LIPC: variants seen among roughly 807,000 people sequenced by gnomAD.
LIPC encodes lipase C, hepatic type.
A neutral mutation model predicts 50.7 loss-of-function variants in LIPC; 44 were observed. That is an observed-to-expected ratio of 0.87 (90% CI 0.68 to 1.11). LIPC has a LOEUF of 1.11. Ranked by LOEUF, LIPC falls within the 50% of genes most tolerant of loss-of-function variation. The pLI, the probability that LIPC is intolerant of heterozygous loss-of-function variation, is 0.00. For missense variants in LIPC, 697 were observed against 648.2 expected (o/e 1.08, Z -0.82); for synonymous variants, 271 against 256.4 (o/e 1.06, Z -0.54).
At chr15:58,553,514 G>T (rs530375273) in intron 6 of LIPC, among the ~76,000 whole-genome samples, 2 of 152,300 alleles carry the variant, frequency 1.3e-5, no homozygotes, top group Admixed American at 6.5e-5. Context: ...GGTTGCTTGA[G>T]CCTAGAAGGT....
At chr15:58,441,439 C>T (rs1346881443) in intron 1 of LIPC, among the ~76,000 whole-genome samples, 9 of 152,222 alleles carry the variant, frequency 5.9e-5, no homozygotes, top group African/African-American at 2.2e-4. Flanking sequence ...AATTCATTCC[C>T]ACCTGCATTA....
intron 8 of LIPC, chr15:58,564,152 ATCTC>A (rs60807082): frequency 3.1e-5 from 5 of 161,182 alleles, no homozygotes; most frequent in South Asian, 1.6e-4. Context: ...ATCTCGATGT[ATCTC>A]TCTCTCTCTC....
chr15:58,513,488 T>C (rs1892395201), intron 1 of LIPC, among the ~76,000 whole-genome samples: 2 of 152,166 alleles, frequency 1.3e-5, no homozygotes, highest in East Asian at 1.9e-4. Flanking sequence ...GCAGAGCTCA[T>C]GCAGAGCCGG....
intron 6 of LIPC, among the ~76,000 whole-genome samples, chr15:58,557,285 G>A (rs777129481): frequency 9.2e-5 from 14 of 151,696 alleles, no homozygotes; most frequent in Admixed American, 2.6e-4. Flanking sequence ...TCATTTGTTT[G>A]AGGGTCAAGT....
intron 4 of LIPC, among the ~76,000 whole-genome samples, chr15:58,545,084 C>A (rs1288990929): frequency 6.6e-6 from 1 of 152,114 alleles, no homozygotes; most frequent in African/African-American, 2.4e-5. Flanking sequence ...AACATACAGG[C>A]AAATAAATTT....
rs6494019 is a variant in LIPC, at chr15:58,563,887, C to T, written c.1388+164C>T. The T allele has an allele frequency of 0.99, 690,107 of 695,666 alleles. 342,503 individuals carry two copies. The highest frequency in any genetic ancestry group is 1 in the East Asian group (36,560 of 36,560). 43.1% of individuals were successfully genotyped at this position (695,666 alleles called of 1,614,324 possible). On this transcript the variant is annotated intron_variant, in intron 8 of 8. Transcript: ENST00000299022. ...GTGAAGTGACTATCCCAACTTTACA[C>T]AGCCACAGGTGCCAGGACAAGGATT...
intron 1 of LIPC, chr15:58,494,857 C>G (rs746526689): frequency 1.4e-4 from 66 of 456,116 alleles, no homozygotes; most frequent in Admixed American, 6.8e-4. Flanking sequence ...CTCCCTTCAT[C>G]TGATTTCCTT....
At position 58,569,729 on chromosome 15, in the gene LIPC, T is replaced by A. The variant is rs1467166344; in HGVS notation, c.*902T>A. 6.5e-6 allele frequency: 1 copy of A among 153,116 alleles called. No individual in the cohort carries two copies. Among genetic ancestry groups the A allele is most frequent in the Non-Finnish European group, 1.5e-5 (1 of 68,780 alleles). The allele number at this position is 153,116 out of a possible 1,614,324, so 9.5% of individuals were successfully genotyped here. A position where few individuals can be genotyped will look rare whatever the true frequency, so the allele number is the denominator to read the frequency against. ...GTGCGGATATGAGAAGGCAACTATA[T>A]GCAAACCAGGAAGTTGACCCTCACC... On this transcript the variant is annotated 3_prime_UTR_variant, in exon 9 of 9. Coordinates refer to ENST00000299022, the MANE Select transcript of LIPC (RefSeq NM_000236.3).
At chr15:58,539,860 A>G (rs1410146898) in intron 2 of LIPC, among the ~76,000 whole-genome samples, 1 of 151,878 alleles carries the variant, frequency 6.6e-6, no homozygotes, top group African/African-American at 2.4e-5. Flanking sequence ...ATTAACTCCC[A>G]CTTTTCCTGT....
At chr15:58,436,951 T>C (rs926535207) in intron 1 of LIPC, 5 of 442,042 alleles carry the variant, frequency 1.1e-5, no homozygotes, top group African/African-American at 1.0e-4. Context: ...AGAACGGTGT[T>C]GATAGCAACA....
chr15:58,457,179 G>A (rs1303722002), intron 1 of LIPC, among the ~76,000 whole-genome samples: 3 of 152,118 alleles, frequency 2.0e-5, no homozygotes, highest in African/African-American at 7.2e-5. Flanking sequence ...GTGCGATCTT[G>A]GCTCACCACA....
chr15:58,453,866 CA>C (rs398043355), intron 1 of LIPC, among the ~76,000 whole-genome samples: 131 of 120,650 alleles, frequency 1.1e-3, no homozygotes, highest in Admixed American at 1.0e-3. Flanking sequence ...GACCCTGTCT[CA>C]AAAAAAAAAA....
chr15:58,442,755 A>G (rs1342874183), intron 1 of LIPC, among the ~76,000 whole-genome samples: 1 of 152,204 alleles, frequency 6.6e-6, no homozygotes, highest in Non-Finnish European at 1.5e-5. Context: ...CCTCTCTGGT[A>G]TAGCTGAAAC....
intron 1 of LIPC, among the ~76,000 whole-genome samples, chr15:58,478,308 G>A (rs1039309915): frequency 3.3e-5 from 5 of 152,072 alleles, no homozygotes; most frequent in African/African-American, 9.7e-5. Flanking sequence ...GCATAATCTC[G>A]GCTCACTGTA....
intron 1 of LIPC, among the ~76,000 whole-genome samples, chr15:58,471,400 G>A (rs1269155134): frequency 1.3e-5 from 2 of 150,912 alleles, no homozygotes; most frequent in Non-Finnish European, 2.9e-5. Flanking sequence ...CACCAGCCTT[G>A]GCCTCCCAAA....
intron 3 of LIPC, 31 bp downstream of exon 3, chr15:58,541,998 C>A (rs1436836940): frequency 6.3e-7 from 1 of 1,588,524 alleles, no homozygotes; most frequent in Admixed American, 1.7e-5. Flanking sequence ...TCCTTCACCT[C>A]CCTTCCCTCC....
intron 4 of LIPC, among the ~76,000 whole-genome samples, chr15:58,543,730 G>T (rs1005215788): frequency 6.6e-6 from 1 of 151,994 alleles, no homozygotes; most frequent in Non-Finnish European, 1.5e-5. Flanking sequence ...TCTGCCTCCC[G>T]GGTTCAAGCG....
chr15:58,531,217 T>C (rs4238330), intron 1 of LIPC, among the ~76,000 whole-genome samples: 125,297 of 152,138 alleles, frequency 0.82, 54,437 homozygotes, highest in Non-Finnish European at 0.98. Flanking sequence ...ATTTCTCCCA[T>C]GACTAATGAT....
chr15:58,544,557 G>T (rs1006474443), intron 4 of LIPC, among the ~76,000 whole-genome samples: 1 of 151,792 alleles, frequency 6.6e-6, no homozygotes, highest in South Asian at 2.1e-4. Flanking sequence ...CACCACGCCC[G>T]GCTAATTTTT....
Sources: allele counts gnomAD v4.1 joint callset (sites outside exome capture counted in the v4.1 genomes callset), GRCh38; gene constraint gnomAD v4.1.1; transcripts MANE v1.5; gene names NCBI Gene and HGNC (gene_info 2026-07-23, HGNC 2026-07-21).